The following FERRY3 variants were observed in gnomAD, a reference collection of about 807,000 sequenced individuals.
The protein encoded by FERRY3 is protein C12orf4.
chr12:4,493,605 C>T, the FERRY3 span, among the ~76,000 whole-genome samples: 323 of 152,316 alleles, frequency 2.1e-3, 6 homozygotes, highest in South Asian at 6.2e-4. Flanking sequence ...TGATATTCCA[C>T]TTTAAGTTAT....
chr12:4,515,652 C>T, the FERRY3 span, among the ~76,000 whole-genome samples: 2 of 151,108 alleles, frequency 1.3e-5, no homozygotes, highest in Admixed American at 6.6e-5. Context: ...AGGGCTGGGG[C>T]GGGGGGAAAT....
the FERRY3 span, among the ~76,000 whole-genome samples, chr12:4,515,850 T>G: frequency 6.6e-6 from 1 of 152,184 alleles, no homozygotes; most frequent in South Asian, 2.1e-4. Flanking sequence ...GTAATAAATA[T>G]GCTAATTCGT....
At chr12:4,503,106 T>C in the FERRY3 span, among the ~76,000 whole-genome samples, 2 of 152,212 alleles carry the variant, frequency 1.3e-5, no homozygotes, top group Admixed American at 1.3e-4. Flanking sequence ...TCCAGGAGTG[T>C]AGCAGGATGA....
chr12:4,534,566 G>A, the FERRY3 span, among the ~76,000 whole-genome samples: 1 of 152,016 alleles, frequency 6.6e-6, no homozygotes, highest in Non-Finnish European at 1.5e-5. Flanking sequence ...ACCATGCATG[G>A]CTAATTTTTG....
the FERRY3 span, among the ~76,000 whole-genome samples, chr12:4,494,155 A>T: frequency 6.6e-6 from 1 of 152,170 alleles, no homozygotes; most frequent in African/African-American, 2.4e-5. Flanking sequence ...TCTAAAAACT[A>T]CAATAATAAT....
At chr12:4,536,107 C>T in the FERRY3 span, 1 of 1,609,892 alleles carries the variant, frequency 6.2e-7, no homozygotes, top group Non-Finnish European at 8.5e-7. Flanking sequence ...TTGAGTGGCA[C>T]TCTCAGTTCT....
the FERRY3 span, among the ~76,000 whole-genome samples, chr12:4,500,881 G>C: frequency 2.0e-5 from 3 of 152,206 alleles, no homozygotes; most frequent in South Asian, 6.2e-4. Context: ...TCCATCTCCT[G>C]ACCTCATGAT....
the FERRY3 span, among the ~76,000 whole-genome samples, chr12:4,499,424 T>A: frequency 6.6e-6 from 1 of 152,234 alleles, no homozygotes; most frequent in Non-Finnish European, 1.5e-5. Flanking sequence ...TGAGGCTCAT[T>A]TGTTTCTCCA....
At chr12:4,499,520 G>A in the FERRY3 span, among the ~76,000 whole-genome samples, 2 of 152,192 alleles carry the variant, frequency 1.3e-5, no homozygotes, top group Non-Finnish European at 2.9e-5. Flanking sequence ...AAGGAAGAAA[G>A]AGGAAAACCA....
At chr12:4,490,707 G>C in the FERRY3 span, 1 of 741,476 alleles carries the variant, frequency 1.3e-6, no homozygotes, top group Non-Finnish European at 2.2e-6. Flanking sequence ...TTTTTAGGTA[G>C]CCATTTGCTC....
chr12:4,505,431 T>C, the FERRY3 span: 2 of 1,278,266 alleles, frequency 1.6e-6, no homozygotes, highest in South Asian at 1.2e-5. Context: ...TATGAGAATA[T>C]GTTACTATGA....
At chr12:4,518,331 A>C in the FERRY3 span, 1 of 1,300,238 alleles carries the variant, frequency 7.7e-7, no homozygotes, top group Non-Finnish European at 1.1e-6. Context: ...GCAAATCTCT[A>C]TGGCAAGAAT....
the FERRY3 span, among the ~76,000 whole-genome samples, chr12:4,524,391 A>G: frequency 6.6e-6 from 1 of 152,168 alleles, no homozygotes; most frequent in African/African-American, 2.4e-5. Context: ...TAGAGATGTC[A>G]GGTAAAGACT....
the FERRY3 span, chr12:4,525,381 A>G: frequency 6.2e-7 from 1 of 1,613,004 alleles, no homozygotes; most frequent in East Asian, 2.2e-5. Context: ...AGGTCCTAAA[A>G]GAAACAGTAT....
the FERRY3 span, among the ~76,000 whole-genome samples, chr12:4,498,739 G>A: frequency 6.6e-6 from 1 of 152,186 alleles, no homozygotes; most frequent in Non-Finnish European, 1.5e-5. Context: ...GGAGTTGGGG[G>A]TGAGGGTGGG....
chr12:4,518,464 AAAATATAGTCTTTCTT>A, the FERRY3 span, among the ~76,000 whole-genome samples: 1 of 152,208 alleles, frequency 6.6e-6, no homozygotes, highest in East Asian at 1.9e-4. Context: ...TAAAGCCAAT[AAAATATAGTCTTTCTT>A]AAAGTAAAAC....
chr12:4,521,542 A>G, the FERRY3 span, among the ~76,000 whole-genome samples: 11 of 152,334 alleles, frequency 7.2e-5, no homozygotes, highest in East Asian at 1.5e-3. Flanking sequence ...GATCTAGTGG[A>G]AAGGTAGACA....
chr12:4,502,143 T>C, the FERRY3 span, among the ~76,000 whole-genome samples: 1 of 152,352 alleles, frequency 6.6e-6, no homozygotes, highest in East Asian at 1.9e-4. This position sits in a 1 kb window ranked among gnomAD's most constrained non-coding sequence, Gnocchi z 4.2. Context: ...TCCTATGTAC[T>C]AGTGGTCTCC....
chr12:4,502,987 G>A, the FERRY3 span, among the ~76,000 whole-genome samples: 1 of 152,164 alleles, frequency 6.6e-6, no homozygotes, highest in South Asian at 2.1e-4. This position sits in a 1 kb window ranked among gnomAD's most constrained non-coding sequence, Gnocchi z 4.2. Context: ...GAAACTCAGT[G>A]AACTATATGA....
Sources: allele counts gnomAD v4.1 joint callset (sites outside exome capture counted in the v4.1 genomes callset), GRCh38; gene constraint gnomAD v4.1.1; non-coding constraint Gnocchi (gnomAD v3.1); transcripts MANE v1.5; gene names NCBI Gene and HGNC (gene_info 2026-07-23, HGNC 2026-07-21).